Variants in TRAPPC6A observed in about 807,000 individuals in gnomAD.
The protein encoded by TRAPPC6A is TRAPP complex subunit 6A.
A neutral mutation model predicts 20.8 loss-of-function variants in TRAPPC6A; 25 were observed. The ratio of observed to expected loss-of-function variants is 1.20; its 90% CI spans 0.88 to 1.68. The LOEUF is 1.68. Among genes scored for constraint, TRAPPC6A ranks in the 40% most tolerant of loss-of-function variants. The probability of loss-of-function intolerance (pLI) is 0.00; values close to 1 mark genes in which losing one functional copy is unlikely to be tolerated. For missense variants in TRAPPC6A, 215 were observed against 211.6 expected, an observed-to-expected ratio of 1.02 and a Z score of -0.10; for synonymous variants, 96 against 93.3, an observed-to-expected ratio of 1.03 and a Z score of -0.16.
intron 1 of TRAPPC6A, among the ~76,000 whole-genome samples, chr19:45,165,667 C>T (rs1969136863): frequency 6.6e-6 from 1 of 152,242 alleles, no homozygotes; most frequent in East Asian, 1.9e-4. Context: ...CAACCATGAT[C>T]ATCATGCCTT....
chr19:45,168,349 C>T (rs1176151902), intron 1 of TRAPPC6A, among the ~76,000 whole-genome samples: 2 of 152,222 alleles, frequency 1.3e-5, no homozygotes, highest in Non-Finnish European at 2.9e-5. Flanking sequence ...ACCAGTAAGA[C>T]ATTTACTCGC....
At chr19:45,175,376 G>A (rs186012201) in intron 1 of TRAPPC6A, among the ~76,000 whole-genome samples, 9,737 of 144,818 alleles carry the variant, frequency 0.067, 450 homozygotes, top group Non-Finnish European at 0.097. Context: ...GCAGTGAGCC[G>A]AGATCGCGCC....
intron 1 of TRAPPC6A, among the ~76,000 whole-genome samples, chr19:45,176,297 C>CAA (rs138759462): frequency 1.9e-4 from 25 of 134,208 alleles, no homozygotes; most frequent in Admixed American, 3.0e-4. Flanking sequence ...ACTAAAAATA[C>CAA]AAAAAAAAAA....
At chr19:45,174,860 C>T (rs1246224048) in intron 1 of TRAPPC6A, among the ~76,000 whole-genome samples, 1 of 151,756 alleles carries the variant, frequency 6.6e-6, no homozygotes, top group Non-Finnish European at 1.5e-5. Context: ...GTGGCTCACG[C>T]CTGTAATCCC....
chr19:45,178,071 T>G, intron 1 of TRAPPC6A, 64 bp downstream of exon 1: 1 of 1,608,658 alleles, frequency 6.2e-7, no homozygotes, highest in East Asian at 2.2e-5. Context: ...TGACGCGCCC[T>G]CCGCTCTCCC....
intron 1 of TRAPPC6A, among the ~76,000 whole-genome samples, chr19:45,176,297 C>CAAAA (rs138759462): frequency 6.0e-5 from 8 of 134,196 alleles, no homozygotes; most frequent in African/African-American, 2.2e-4. Flanking sequence ...ACTAAAAATA[C>CAAAA]AAAAAAAAAA....
intron 1 of TRAPPC6A, among the ~76,000 whole-genome samples, chr19:45,165,797 T>C (rs1380732449): frequency 1.3e-5 from 2 of 152,106 alleles, no homozygotes; most frequent in Non-Finnish European, 2.9e-5. Context: ...CCAGGGTCCA[T>C]ACAGGAGGGG....
intron 1 of TRAPPC6A, among the ~76,000 whole-genome samples, chr19:45,170,577 C>G (rs566377425): frequency 1.8e-3 from 275 of 152,336 alleles, no homozygotes; most frequent in Non-Finnish European, 3.4e-3. Flanking sequence ...GCAAGTTCAG[C>G]TTTTCCCTTC....
At chr19:45,176,915 T>C (rs1969391042) in intron 1 of TRAPPC6A, among the ~76,000 whole-genome samples, 1 of 151,364 alleles carries the variant, frequency 6.6e-6, no homozygotes, top group Admixed American at 6.6e-5. Flanking sequence ...ACGCCTGTAA[T>C]CCTAGCACTT....
At chr19:45,169,942 G>A (rs73564250) in intron 1 of TRAPPC6A, among the ~76,000 whole-genome samples, 2,193 of 152,288 alleles carry the variant, frequency 0.014, 62 homozygotes, top group African/African-American at 0.048. Flanking sequence ...TGTCCTCCAG[G>A]AGCTCACCTA....
rs1757226352 is a variant in TRAPPC6A at position 45,173,294 on chromosome 19, C to G, written c.84+4841G>C. Among the ~76,000 whole-genome samples, 2 of 151,812 alleles carry G rather than the reference C, an allele frequency of 1.3e-5. No homozygotes were observed. The highest frequency in any genetic ancestry group is 4.9e-5 in the African/African-American group (2 of 41,234). On this transcript the variant is annotated intron_variant, in intron 1 of 5. Transcript: ENST00000585934. This position sits in a 1 kb window ranked among gnomAD's most constrained non-coding sequence, Gnocchi z 4.8. ...CGGTCCTCCAGTTCACAACCTGTGA[C>G]AGCCCAGGAGAATGGCCACAAATAA...
At chr19:45,177,794 A>T (rs1033402016) in intron 1 of TRAPPC6A, among the ~76,000 whole-genome samples, 1 of 152,214 alleles carries the variant, frequency 6.6e-6, no homozygotes, top group Non-Finnish European at 1.5e-5. Context: ...AAAAGAGAAA[A>T]CTAGGACACA....
intron 1 of TRAPPC6A, among the ~76,000 whole-genome samples, chr19:45,170,650 G>A (rs1023994496): frequency 6.6e-6 from 1 of 152,218 alleles, no homozygotes; most frequent in Non-Finnish European, 1.5e-5. Context: ...TGTGACCTTG[G>A]GCAGATTAGC....
At chr19:45,176,758 G>A (rs1324854906) in intron 1 of TRAPPC6A, among the ~76,000 whole-genome samples, 2 of 152,124 alleles carry the variant, frequency 1.3e-5, no homozygotes, top group African/African-American at 2.4e-5. Flanking sequence ...ACATGGCCAG[G>A]TGCGGTGGCT....
At chr19:45,171,812 AC>A (rs1392070963) in intron 1 of TRAPPC6A, among the ~76,000 whole-genome samples, 1 of 152,238 alleles carries the variant, frequency 6.6e-6, no homozygotes, top group East Asian at 1.9e-4. Flanking sequence ...AGGAAGATTC[AC>A]ACGTCCAGAC....
chr19:45,168,071 C>T (rs112385627), intron 1 of TRAPPC6A, among the ~76,000 whole-genome samples: 13,057 of 143,934 alleles, frequency 0.091, 822 homozygotes, highest in Non-Finnish European at 0.13. Flanking sequence ...GGCGCAATCT[C>T]GGCTCACTGC....
At chr19:45,168,483 G>A (rs1044260552) in intron 1 of TRAPPC6A, among the ~76,000 whole-genome samples, 1 of 152,074 alleles carries the variant, frequency 6.6e-6, no homozygotes, top group Non-Finnish European at 1.5e-5. Context: ...ACTCACACTG[G>A]GCCCACGGAG....
chr19:45,166,549 T>C lies in TRAPPC6A; in HGVS notation c.85-1355A>G, dbSNP rs571696910. 1.3e-3 allele frequency among the ~76,000 whole-genome samples: 196 copies of C among 149,526 alleles called. 4 individuals carry two copies. Among genetic ancestry groups the C allele is most frequent in the African/African-American group, 4.5e-3 (181 of 40,574 alleles). ...TTTTTTTTTCATTCGGGTGTTTTGC[T>C]GCAAGCAGAGGAAGGGAGGAGGCCC... On this transcript the variant is annotated intron_variant, in intron 1 of 5. Coordinates refer to ENST00000585934, the MANE Select transcript of TRAPPC6A (RefSeq NM_001270891.2).
intron 1 of TRAPPC6A, among the ~76,000 whole-genome samples, chr19:45,177,150 A>C (rs1599742739): frequency 6.6e-6 from 1 of 151,524 alleles, no homozygotes. Context: ...GCATCACTGC[A>C]CTCCAGCCAG....
Sources: gnomAD v4.1 joint callset for allele counts (sites outside exome capture counted in the v4.1 genomes callset) on GRCh38, gnomAD v4.1.1 for gene constraint, Gnocchi (gnomAD v3.1) non-coding constraint, MANE v1.5 for transcripts, NCBI Gene and HGNC (gene_info 2026-07-23, HGNC 2026-07-21) for gene names.